SFSWAP: variants seen among roughly 807,000 people sequenced by gnomAD.
The protein encoded by SFSWAP is splicing factor, suppressor of white-apricot homolog.
SFSWAP carries 17 observed loss-of-function variants against 100.7 expected under a neutral mutation model. The observed-to-expected ratio is 0.17, with a 90% CI of 0.12 to 0.25. The LOEUF (loss-of-function observed/expected upper bound fraction) is 0.25. Among genes scored for constraint, SFSWAP ranks in the 10% least tolerant of loss-of-function variants. SFSWAP has a pLI of 1.00. For synonymous variants in SFSWAP, 504 were observed against 510.1 expected (o/e 0.99, Z 0.16); for missense variants, 1,005 against 1,262.6 (o/e 0.80, Z 3.09).
At position 131,714,305 on chromosome 12, in the gene SFSWAP, T is replaced by G. The variant is rs1877682198; in HGVS notation, c.388+65T>G. ...TAAAATTTTTAAGTATTTAAAAATT[T>G]ACTCCCATTCATTTTTTTATACTCA... On this transcript the variant is annotated intron_variant, in intron 2 of 17. Transcript: ENST00000261674. This position sits in a 1 kb window ranked among gnomAD's most constrained non-coding sequence, Gnocchi z 6.0. The G allele has an allele frequency of 8.7e-6, 12 of 1,372,362 alleles. No individual in the cohort carries two copies. In the South Asian group the frequency reaches 1.6e-4, roughly 18 times the overall value. 85.0% of individuals were successfully genotyped at this position (1,372,362 alleles called of 1,614,324 possible). A position where few individuals can be genotyped will look rare whatever the true frequency, so the allele number is the denominator to read the frequency against.
chr12:131,793,134 T>G (rs1481703257), intron 15 of SFSWAP, among the ~76,000 whole-genome samples: 1 of 151,956 alleles, frequency 6.6e-6, no homozygotes, highest in Admixed American at 6.6e-5. Context: ...TTGCCCAAGC[T>G]GGAGTGCAGC....
At chr12:131,747,483 A>T (rs968392140) in intron 7 of SFSWAP, among the ~76,000 whole-genome samples, 2 of 152,246 alleles carry the variant, frequency 1.3e-5, no homozygotes, top group African/African-American at 4.8e-5. Flanking sequence ...GTGGGTTTGC[A>T]GGAGGGCTTC....
At position 131,794,060 on chromosome 12, in the gene SFSWAP, C is replaced by G. The variant is rs1885463213; in HGVS notation, c.2535-3118C>G. 1.3e-5 allele frequency among the ~76,000 whole-genome samples: 2 copies of G among 152,194 alleles called. No individual in the cohort carries two copies. Among genetic ancestry groups the G allele is most frequent in the Non-Finnish European group, 1.5e-5 (1 of 68,032 alleles). ...CTCCTCTATAAAGTCAACATTTAAC[C>G]AAAAACACTTTGATTCATAATTACC... On this transcript the variant is annotated intron_variant, in intron 15 of 17. Coordinates refer to ENST00000261674, the MANE Select transcript of SFSWAP (RefSeq NM_004592.4). This position sits in a 1 kb window ranked among gnomAD's most constrained non-coding sequence, Gnocchi z 4.8.
chr12:131,739,024 C>CCT (rs1431981552), intron 7 of SFSWAP, among the ~76,000 whole-genome samples: 3 of 151,182 alleles, frequency 2.0e-5, no homozygotes, highest in Admixed American at 1.3e-4. Context: ...GGACCACAGG[C>CCT]ATGTGCCACC....
At chr12:131,753,070 A>G (rs1881800874) in intron 7 of SFSWAP, 53 bp from the exon 8 acceptor site, 1 of 1,603,612 alleles carries the variant, frequency 6.2e-7, no homozygotes, top group Non-Finnish European at 8.5e-7. Flanking sequence ...TTGTGGACTC[A>G]TGGACCAGCC....
At chr12:131,784,206 G>A (rs1203516509) in intron 14 of SFSWAP, 2 of 152,144 alleles carry the variant, frequency 1.3e-5, no homozygotes, top group Non-Finnish European at 2.9e-5. Flanking sequence ...AGGAAGGAGG[G>A]GAGCTGCAGT....
intron 7 of SFSWAP, among the ~76,000 whole-genome samples, chr12:131,737,959 T>C (rs1023257819): frequency 3.3e-5 from 5 of 152,204 alleles, no homozygotes; most frequent in African/African-American, 1.2e-4. Flanking sequence ...CTTCTGCTAT[T>C]TAGCTATAAA....
intron 11 of SFSWAP, among the ~76,000 whole-genome samples, chr12:131,758,751 A>G (rs932740026): frequency 8.5e-5 from 13 of 152,258 alleles, no homozygotes; most frequent in African/African-American, 3.1e-4. Flanking sequence ...ATTCGAGACC[A>G]GCCTGGGCAA....
chr12:131,778,773 C>T lies in SFSWAP; in HGVS notation c.2408+443C>T, dbSNP rs1884230505. On this transcript the variant is annotated intron_variant, in intron 14 of 17. Coordinates refer to ENST00000261674, the MANE Select transcript of SFSWAP (RefSeq NM_004592.4). The surrounding 1 kb of genome is among the most constrained non-coding windows in gnomAD (Gnocchi z 4.2). ...CCTCAGGTAATCCACCCACCTTGGCCTCCCAGAGTGCTGGGATTACAGGCC... is the reference window on the plus strand; with the variant it reads ...CCTCAGGTAATCCACCCACCTTGGCTTCCCAGAGTGCTGGGATTACAGGCC... Among the ~76,000 whole-genome samples the T allele has an allele frequency of 6.6e-6, 1 of 152,142 alleles. No individual in the cohort carries two copies. The highest frequency in any genetic ancestry group is 1.5e-5 in the Non-Finnish European group (1 of 68,036).
intron 7 of SFSWAP, among the ~76,000 whole-genome samples, chr12:131,751,051 T>A (rs1452318568): frequency 6.6e-6 from 1 of 152,136 alleles, no homozygotes; most frequent in Non-Finnish European, 1.5e-5. Flanking sequence ...TTGCCGGCAC[T>A]GCTATTTTTT....
rs976126390 is a variant in SFSWAP at position 131,765,654 on chromosome 12, A to G, written c.1952-464A>G. Among the ~76,000 whole-genome samples the G allele has an allele frequency of 3.4e-5, 5 of 145,268 alleles. No individual in the cohort carries two copies. The South Asian group carries it at 6.5e-4, about 19-fold the overall frequency. ...CAAGAGCAAAAACTCCGTCTCAAAGAAAAAAAAAAAAAGCCATTTTTCAAC... is the reference window on the plus strand; with the variant it reads ...CAAGAGCAAAAACTCCGTCTCAAAGGAAAAAAAAAAAAGCCATTTTTCAAC... On this transcript the variant is annotated intron_variant, in intron 12 of 17. Transcript: ENST00000261674.
chr12:131,728,236 A>G, intron 6 of SFSWAP, 57 bp from the exon 7 acceptor site: 1 of 1,598,590 alleles, frequency 6.3e-7, no homozygotes, highest in South Asian at 1.1e-5. Context: ...TTGCAGCAGA[A>G]GAGTTCTGCA....
At chr12:131,726,234 G>A (rs969348320) in intron 5 of SFSWAP, among the ~76,000 whole-genome samples, 2 of 150,998 alleles carry the variant, frequency 1.3e-5, no homozygotes, top group Non-Finnish European at 2.9e-5. Flanking sequence ...ACAGAGTCTC[G>A]CTCTTGTCGC....
chr12:131,724,193 T>C (rs765085440), intron 4 of SFSWAP, among the ~76,000 whole-genome samples: 2 of 152,186 alleles, frequency 1.3e-5, no homozygotes, highest in Non-Finnish European at 2.9e-5. Context: ...AGGCCTACTT[T>C]TAAGAAATTT....
chr12:131,750,967 C>T (rs545431556), intron 7 of SFSWAP, among the ~76,000 whole-genome samples: 1 of 152,300 alleles, frequency 6.6e-6, no homozygotes, highest in South Asian at 2.1e-4. Flanking sequence ...ACCCATGGCA[C>T]CCAGCCTAAA....
intron 7 of SFSWAP, among the ~76,000 whole-genome samples, chr12:131,737,575 C>G (rs575378560): frequency 7.2e-5 from 11 of 152,052 alleles, no homozygotes; most frequent in African/African-American, 2.4e-4. Context: ...CGGAAGTGGC[C>G]CCCGTAACAT....
In SFSWAP at chr12:131,711,293, G is replaced by A. The variant is rs1213789537; in HGVS notation, c.64G>A (p.Gly22Arg). Reference sequence around the variant, plus strand: ...GAAAAGCGGCGCGAAGGAGGAGGCCGGGCCAGGCGGTGCCGGCGGTGGGGG... The same window carrying A: ...GAAAAGCGGCGCGAAGGAGGAGGCCAGGCCAGGCGGTGCCGGCGGTGGGGG... Reference protein sequence around the residue: ...ERKSGAKEEAGPGGAGGGGSR... With the variant: ...ERKSGAKEEARPGGAGGGGSR... The change falls in exon 1 of 18, where the codon GGG becomes AGG. Residue 22 changes from glycine to arginine, a missense_variant. By Grantham distance (125) the Gly-to-Arg change is moderately radical (BLOSUM62 -2). This residue lies in a region of SFSWAP where 237 missense variants were observed against 337.0 expected (regional missense o/e 0.70). Coordinates refer to ENST00000261674, the MANE Select transcript of SFSWAP (RefSeq NM_004592.4). This position sits in a 1 kb window ranked among gnomAD's most constrained non-coding sequence, Gnocchi z 4.9. The A allele has an allele frequency of 6.2e-7, 1 of 1,613,014 alleles. No homozygotes were observed. The highest frequency in any genetic ancestry group is 8.5e-7 in the Non-Finnish European group (1 of 1,179,752).
chr12:131,797,264 A>C lies in SFSWAP; in HGVS notation c.2621A>C (p.Gln874Pro). The change falls in exon 16 of 18, where the codon CAG (glutamine) becomes CCG (proline). Residue 874 changes from glutamine (Q) to proline (P), a missense_variant. By Grantham distance (76) the Gln-to-Pro change is moderately conservative. Transcript: ENST00000261674. ...ARSQSVSPSK[Q>P]AAPRPAAPAA... ...TCTCAGTCGGTGTCACCCAGCAAGC[A>C]GGCAGCGCCCCGGCCCGCGGCCCCC... 1 of 1,612,698 alleles carries C rather than the reference A, an allele frequency of 6.2e-7. No homozygotes were observed. Among genetic ancestry groups the C allele is most frequent in the Non-Finnish European group, 8.5e-7 (1 of 1,179,778 alleles).
At chr12:131,760,263 G>A (rs1201563387) in intron 11 of SFSWAP, among the ~76,000 whole-genome samples, 1 of 152,030 alleles carries the variant, frequency 6.6e-6, no homozygotes, top group Non-Finnish European at 1.5e-5. Context: ...ATACAGAAAT[G>A]GCAGTAACTG....
Sources: gnomAD v4.1 joint callset for allele counts (sites outside exome capture counted in the v4.1 genomes callset) on GRCh38, gnomAD v4.1.1 for gene constraint, gnomAD v4.1.1 regional missense constraint, Gnocchi (gnomAD v3.1) non-coding constraint, MANE v1.5 for transcripts, NCBI Gene and HGNC (gene_info 2026-07-23, HGNC 2026-07-21) for gene names.